Variants in SUCLG2 observed in about 807,000 individuals in gnomAD.
SUCLG2 encodes the protein succinate--CoA ligase [GDP-forming] subunit beta, mitochondrial.
Under a neutral mutation model 47.9 loss-of-function variants are expected in SUCLG2, and 42 were observed. That is an observed-to-expected ratio of 0.88 (90% confidence interval 0.69 to 1.14). The LOEUF (loss-of-function observed/expected upper bound fraction) is 1.14, where lower values mean the gene tolerates loss of function less well. Ranked by LOEUF, SUCLG2 falls within the 50% of genes most tolerant of loss-of-function variation. SUCLG2 has a pLI of 0.00. For missense variants in SUCLG2, 571 were observed against 525.9 expected, an observed-to-expected ratio of 1.09 and a Z score of -0.84; for synonymous variants, 195 against 197.3, an observed-to-expected ratio of 0.99 and a Z score of 0.10.
At chr3:67,396,013 T>C (rs1167573898) in intron 10 of SUCLG2, among the ~76,000 whole-genome samples, 7 of 151,602 alleles carry the variant, frequency 4.6e-5, no homozygotes, top group Non-Finnish European at 8.8e-5. Context: ...CTGGGACACA[T>C]TCAAAGCAGT....
intron 9 of SUCLG2, among the ~76,000 whole-genome samples, chr3:67,465,545 C>T (rs1559536547): frequency 6.6e-6 from 1 of 152,170 alleles, no homozygotes; most frequent in African/African-American, 2.4e-5. Context: ...ATGCACCTCA[C>T]ACTCTGAACT....
chr3:67,554,064 G>A (rs1480135842), intron 2 of SUCLG2, among the ~76,000 whole-genome samples: 4 of 152,174 alleles, frequency 2.6e-5, no homozygotes, highest in African/African-American at 9.7e-5. Flanking sequence ...ACTCTAAGGA[G>A]CTGGGGTAGC....
intron 2 of SUCLG2, among the ~76,000 whole-genome samples, chr3:67,548,051 C>T (rs182201346): frequency 3.3e-5 from 5 of 152,132 alleles, no homozygotes; most frequent in African/African-American, 1.2e-4. Context: ...ACTTCCTTTA[C>T]TCTATGAAAT....
chr3:67,537,221 C>A (rs1706569039), intron 2 of SUCLG2, among the ~76,000 whole-genome samples: 2 of 152,062 alleles, frequency 1.3e-5, no homozygotes, highest in African/African-American at 2.4e-5. Context: ...CCCTCCCCTA[C>A]CCCCAACCCA....
chr3:67,370,589 T>TAGTA (rs1701940048), downstream of SUCLG2, among the ~76,000 whole-genome samples: 1 of 152,036 alleles, frequency 6.6e-6, no homozygotes, highest in Non-Finnish European at 1.5e-5. Flanking sequence ...AAACCACAGA[T>TAGTA]AGTACCAAGC....
intron 9 of SUCLG2, among the ~76,000 whole-genome samples, chr3:67,440,210 C>T (rs780624764): frequency 6.6e-6 from 1 of 152,190 alleles, no homozygotes; most frequent in Non-Finnish European, 1.5e-5. Context: ...TCCTTCCTTA[C>T]ACTTTATGCA....
chr3:67,483,950 A>C (rs1704983272), intron 9 of SUCLG2, among the ~76,000 whole-genome samples: 2 of 152,220 alleles, frequency 1.3e-5, no homozygotes, highest in African/African-American at 4.8e-5. Flanking sequence ...TTTGGCTTAC[A>C]GGAGGCTTGC....
intron 9 of SUCLG2, among the ~76,000 whole-genome samples, chr3:67,482,408 T>G (rs1259122760): frequency 2.0e-5 from 3 of 152,244 alleles, no homozygotes; most frequent in Non-Finnish European, 4.4e-5. Flanking sequence ...AGTACCTGTA[T>G]AGAAAAACTG....
intron 1 of SUCLG2, among the ~76,000 whole-genome samples, chr3:67,633,790 C>T (rs1011013357): frequency 6.6e-6 from 1 of 152,166 alleles, no homozygotes; most frequent in Non-Finnish European, 1.5e-5. Flanking sequence ...ATGTGGGTCT[C>T]GCTCAGTGTG....
chr3:67,405,756 G>A (rs1462815956), intron 9 of SUCLG2, among the ~76,000 whole-genome samples: 3 of 152,060 alleles, frequency 2.0e-5, no homozygotes, highest in Non-Finnish European at 2.9e-5. Context: ...TATTTTTCTG[G>A]GCAAAGTGTA....
chr3:67,401,062 A>G (rs1462128483), intron 9 of SUCLG2, among the ~76,000 whole-genome samples: 1 of 152,142 alleles, frequency 6.6e-6, no homozygotes, highest in Non-Finnish European at 1.5e-5. Context: ...AACATTACCA[A>G]ATTTTCCCAT....
chr3:67,597,164 A>G (rs955049262), intron 2 of SUCLG2, among the ~76,000 whole-genome samples: 1 of 152,232 alleles, frequency 6.6e-6, no homozygotes, highest in Non-Finnish European at 1.5e-5. Flanking sequence ...CAGGAGGATC[A>G]GCCTGAAGAG....
chr3:67,501,735 T>G (rs555936360), intron 7 of SUCLG2, among the ~76,000 whole-genome samples: 1 of 152,208 alleles, frequency 6.6e-6, no homozygotes, highest in East Asian at 1.9e-4. Flanking sequence ...TAAAAATTTC[T>G]CAACTCCAGG....
chr3:67,418,763 G>A (rs371943021), intron 9 of SUCLG2, among the ~76,000 whole-genome samples: 23 of 152,160 alleles, frequency 1.5e-4, no homozygotes, highest in African/African-American at 4.8e-4. Context: ...TACCATCCTG[G>A]TTAATCTCTG....
At chr3:67,594,435 C>T (rs1002704664) in intron 2 of SUCLG2, among the ~76,000 whole-genome samples, 1 of 152,162 alleles carries the variant, frequency 6.6e-6, no homozygotes, top group Non-Finnish European at 1.5e-5. Context: ...GGATCTCGGC[C>T]TCTCCTGTCA....
At chr3:67,497,986 G>A (rs1282410896) in intron 8 of SUCLG2, 148 bp downstream of exon 8, 11 of 798,338 alleles carry the variant, frequency 1.4e-5, no homozygotes, top group South Asian at 2.1e-5. Flanking sequence ...ACAACTTTGA[G>A]AAGAAACTTG....
At position 67,650,049 on chromosome 3, in the gene SUCLG2, C is replaced by A. The variant is rs1270740361; in HGVS notation, c.84+4454G>T. On this transcript the variant is annotated intron_variant, in intron 1 of 10. Coordinates refer to ENST00000307227, the MANE Select transcript of SUCLG2 (RefSeq NM_003848.4). ...TAGGACAAAGCTATCACTTAACGGT[C>A]TTCCCCACAAGGAAGGTCAATAGTT... Among the ~76,000 whole-genome samples the A allele has an allele frequency of 2.0e-5, 3 of 152,306 alleles. No individual in the cohort carries two copies. In the East Asian group the frequency reaches 5.8e-4, roughly 29 times the overall value.
intron 9 of SUCLG2, among the ~76,000 whole-genome samples, chr3:67,448,597 C>A (rs1392690640): frequency 6.6e-6 from 1 of 152,194 alleles, no homozygotes; most frequent in Non-Finnish European, 1.5e-5. Context: ...GTTGGCCAGG[C>A]TGGTCTCAAA....
intron 9 of SUCLG2, among the ~76,000 whole-genome samples, chr3:67,418,685 G>A (rs1575682428): frequency 6.6e-6 from 1 of 152,140 alleles, no homozygotes; most frequent in Non-Finnish European, 1.5e-5. Flanking sequence ...AAGAATCTTT[G>A]AAGTCCCTGA....
Sources: gnomAD v4.1 joint callset for allele counts (sites outside exome capture counted in the v4.1 genomes callset) on GRCh38, gnomAD v4.1.1 for gene constraint, MANE v1.5 for transcripts, NCBI Gene and HGNC (gene_info 2026-07-23, HGNC 2026-07-21) for gene names.